ANO6: variants seen among roughly 807,000 people sequenced by gnomAD.
ANO6 encodes the protein anoctamin-6.
A neutral mutation model predicts 117.5 loss-of-function variants in ANO6; 106 were observed. The ratio of observed to expected loss-of-function variants is 0.90; its 90% CI spans 0.77 to 1.06. The LOEUF (loss-of-function observed/expected upper bound fraction) is 1.06, where lower values mean the gene tolerates loss of function less well. Among genes scored for constraint, ANO6 ranks in the 50% least tolerant of loss-of-function variants. The pLI, the probability that ANO6 is intolerant of heterozygous loss-of-function variation, is 0.00. For missense variants in ANO6, 955 were observed against 1,121.1 expected (o/e 0.85, Z 2.12); for synonymous variants, 367 against 385.1 (o/e 0.95, Z 0.55).
intron 3 of ANO6, chr12:45,335,618 A>T (rs1261646186): frequency 6.6e-6 from 1 of 152,044 alleles, no homozygotes; most frequent in Non-Finnish European, 1.5e-5. Context: ...CAGATGTGGG[A>T]TGCTCAGCTG....
chr12:45,368,497 C>A (rs886732905), intron 9 of ANO6, among the ~76,000 whole-genome samples: 23 of 152,150 alleles, frequency 1.5e-4, no homozygotes, highest in Non-Finnish European at 8.8e-5. Context: ...TAAAACATTG[C>A]CAGAAAACAC....
chr12:45,234,561 G>C (rs1023587714), intron 1 of ANO6, among the ~76,000 whole-genome samples: 1 of 152,134 alleles, frequency 6.6e-6, no homozygotes, highest in Non-Finnish European at 1.5e-5. Context: ...ATTTGTTCAG[G>C]CCCCTTTTCC....
intron 1 of ANO6, among the ~76,000 whole-genome samples, chr12:45,299,453 G>T (rs187368765): frequency 2.3e-3 from 354 of 152,312 alleles, no homozygotes; most frequent in African/African-American, 8.0e-3. Context: ...TTTTTCAGAA[G>T]AGTTAGAATC....
Position 45,298,401 on chromosome 12 carries a change from T to C in ANO6, c.71-3613T>C, listed in dbSNP as rs574017610. On this transcript the variant is annotated intron_variant, in intron 1 of 19. Transcript: ENST00000320560. ...ATTCTGCTCATTTTAATACAAACCC[T>C]CAGTCACCTTGATTTTGACTATTTT... 9.2e-5 allele frequency among the ~76,000 whole-genome samples: 14 copies of C among 152,362 alleles called. No homozygotes were observed. In the South Asian group the frequency reaches 2.9e-3, roughly 32 times the overall value.
chr12:45,396,668 A>G (rs1274721559), intron 12 of ANO6, among the ~76,000 whole-genome samples: 1 of 152,226 alleles, frequency 6.6e-6, no homozygotes, highest in Non-Finnish European at 1.5e-5. Flanking sequence ...CGGAGGCCTC[A>G]GAAATAACAC....
intron 3 of ANO6, among the ~76,000 whole-genome samples, chr12:45,345,480 C>G (rs1941105164): frequency 6.6e-6 from 1 of 152,142 alleles, no homozygotes. Context: ...ATGATCTCGA[C>G]CTGGACCTAG....
intron 16 of ANO6, among the ~76,000 whole-genome samples, chr12:45,412,534 T>C (rs1943112416): frequency 6.6e-6 from 1 of 152,230 alleles, no homozygotes; most frequent in Admixed American, 6.5e-5. Context: ...CACCGATGCC[T>C]CTGCTGCACT....
At chr12:45,439,586 A>C in intron 19 of ANO6, 5 of 1,207,104 alleles carry the variant, frequency 4.1e-6, no homozygotes, top group Non-Finnish European at 5.3e-6. Context: ...ACTAACACTC[A>C]TTTTCATTCA....
chr12:45,397,934 T>G (rs1215320782), intron 12 of ANO6, among the ~76,000 whole-genome samples: 2 of 152,262 alleles, frequency 1.3e-5, no homozygotes, highest in East Asian at 3.9e-4. Flanking sequence ...TATACCTATG[T>G]GTCAAACCTG....
chr12:45,334,006 C>G (rs1386326475), intron 3 of ANO6, among the ~76,000 whole-genome samples: 1 of 151,996 alleles, frequency 6.6e-6, no homozygotes. Context: ...GCTACAAACA[C>G]CAAAAACATA....
At chr12:45,286,752 A>C (rs548131584) in intron 1 of ANO6, among the ~76,000 whole-genome samples, 1 of 152,176 alleles carries the variant, frequency 6.6e-6, no homozygotes, top group Non-Finnish European at 1.5e-5. Context: ...AGTGTTTACT[A>C]TGTGTAAGTA....
intron 17 of ANO6, among the ~76,000 whole-genome samples, chr12:45,418,336 CTGGGG>C (rs1430492617): frequency 6.6e-6 from 1 of 152,194 alleles, no homozygotes; most frequent in Non-Finnish European, 1.5e-5. Flanking sequence ...AAACCAACTA[CTGGGG>C]TATGTCAGTT....
At chr12:45,427,451 TTTC>T (rs1216273017) in intron 19 of ANO6, among the ~76,000 whole-genome samples, 2 of 152,190 alleles carry the variant, frequency 1.3e-5, no homozygotes, top group Non-Finnish European at 2.9e-5. Flanking sequence ...TAGAATGTCT[TTTC>T]TTCTGATATC....
chr12:45,394,726 A>G (rs1381334460), intron 12 of ANO6, among the ~76,000 whole-genome samples: 1 of 152,224 alleles, frequency 6.6e-6, no homozygotes, highest in Non-Finnish European at 1.5e-5. Flanking sequence ...AAACTGAACA[A>G]CCTGCTCCTG....
At chr12:45,270,813 G>A (rs768670163) in intron 1 of ANO6, among the ~76,000 whole-genome samples, 2 of 152,030 alleles carry the variant, frequency 1.3e-5, no homozygotes, top group African/African-American at 2.4e-5. Context: ...GTGCAGTGGT[G>A]CAATCTCAGC....
At chr12:45,309,566 C>CT (rs1180742408) in intron 2 of ANO6, among the ~76,000 whole-genome samples, 14 of 148,660 alleles carry the variant, frequency 9.4e-5, no homozygotes, top group African/African-American at 3.2e-4. Flanking sequence ...CTATTTTCAC[C>CT]TTTTTTTTTT....
chr12:45,253,961 G>C (rs1032108969), intron 1 of ANO6, among the ~76,000 whole-genome samples: 3 of 152,168 alleles, frequency 2.0e-5, no homozygotes, highest in African/African-American at 7.2e-5. Flanking sequence ...GAGGTCAAGA[G>C]ATCGAGACCA....
intron 8 of ANO6, among the ~76,000 whole-genome samples, chr12:45,361,152 A>G (rs1203276491): frequency 6.6e-6 from 1 of 152,180 alleles, no homozygotes; most frequent in Admixed American, 6.5e-5. Context: ...TCTTAACAAT[A>G]TTAAGTCTTT....
At chr12:45,414,187 G>C (rs1003842786) in intron 16 of ANO6, among the ~76,000 whole-genome samples, 4 of 151,790 alleles carry the variant, frequency 2.6e-5, no homozygotes, top group African/African-American at 9.7e-5. Context: ...AAACTCAACT[G>C]TAACATGTAG....
Sources: gnomAD v4.1 joint callset for allele counts (sites outside exome capture counted in the v4.1 genomes callset) on GRCh38, gnomAD v4.1.1 for gene constraint, MANE v1.5 for transcripts, NCBI Gene and HGNC (gene_info 2026-07-23, HGNC 2026-07-21) for gene names.